NYAP1: variants seen among roughly 807,000 people sequenced by gnomAD.
NYAP1 encodes the protein neuronal tyrosine-phosphorylated phosphoinositide-3-kinase adapter 1.
In NYAP1, 20 loss-of-function variants were observed where a neutral mutation model predicts 58.6. The ratio of observed to expected loss-of-function variants is 0.34; its 90% CI spans 0.24 to 0.50. The LOEUF is 0.50. Among genes scored for constraint, NYAP1 ranks in the 20% least tolerant of loss-of-function variants. NYAP1 has a pLI of 0.98. For synonymous variants in NYAP1, 572 were observed against 523.1 expected, an observed-to-expected ratio of 1.09 and a Z score of -1.27; for missense variants, 1,150 against 1,194.5, an observed-to-expected ratio of 0.96 and a Z score of 0.55.
In NYAP1 at chr7:100,486,108, G is replaced by T. The variant is rs1046762114; in HGVS notation, c.69-713G>T. On this transcript the variant is annotated intron_variant, in intron 2 of 6. Transcript: ENST00000300179. The surrounding 1 kb of genome is among the most constrained non-coding windows in gnomAD (Gnocchi z 6.2). ...GATTAATCAGAGTGATCGCTGCAGC[G>T]ATCTCTCCCTAATGAAGGGCTAGTA... Among the ~76,000 whole-genome samples the T allele has an allele frequency of 7.2e-5, 11 of 152,046 alleles. No homozygotes were observed. The highest frequency in any genetic ancestry group is 2.7e-4 in the African/African-American group (11 of 41,396).
Position 100,486,970 on chromosome 7 carries a change from C to A in NYAP1, c.218C>A (p.Pro73His). Reference sequence around the variant, plus strand: ...GCCTCCCAGGAGCACACCCCGCACCCCTGCCGCAGCGCCATGGCCCCACGC... The same window carrying A: ...GCCTCCCAGGAGCACACCCCGCACCACTGCCGCAGCGCCATGGCCCCACGC... ...MPASQEHTPH[P>H]CRSAMAPRSL... The change falls in exon 3 of 7, where the codon CCC (proline) becomes CAC (histidine). Residue 73 changes from proline to histidine, a missense_variant. Physicochemically the swap from Pro to His is moderately conservative, Grantham distance 77 (BLOSUM62 -2). Coordinates refer to ENST00000300179, the MANE Select transcript of NYAP1 (RefSeq NM_173564.4). The surrounding 1 kb of genome is among the most constrained non-coding windows in gnomAD (Gnocchi z 6.2). The A allele has an allele frequency of 6.2e-7, 1 of 1,607,120 alleles. No individual in the cohort carries two copies. Among genetic ancestry groups the A allele is most frequent in the Non-Finnish European group, 8.5e-7 (1 of 1,177,514 alleles).
In NYAP1 at chr7:100,486,904, C is replaced by T. The variant is rs767507827; in HGVS notation, c.152C>T (p.Ser51Leu). The T allele has an allele frequency of 3.4e-5, 54 of 1,584,140 alleles. No individual in the cohort carries two copies. Among genetic ancestry groups the T allele is most frequent in the Non-Finnish European group, 4.5e-5 (52 of 1,167,696 alleles). The change falls in exon 3 of 7, where the codon TCG (serine) becomes TTG (leucine). Residue 51 changes from serine to leucine, a missense_variant. By Grantham distance (145) the Ser-to-Leu change is moderately radical (BLOSUM62 -2). Coordinates refer to ENST00000300179, the MANE Select transcript of NYAP1 (RefSeq NM_173564.4). The surrounding 1 kb of genome is among the most constrained non-coding windows in gnomAD (Gnocchi z 6.2). ...GGGGTCCGCGTGCGGGACATCGCCT[C>T]GCTGCGGCGCTCCCTCAGGATGGGT... is the stretch of plus-strand genomic sequence containing the variant. ...GPGVRVRDIA[S>L]LRRSLRMGFM...
chr7:100,490,667 G>C lies in NYAP1; in HGVS notation c.2096G>C (p.Gly699Ala). The C allele has an allele frequency of 6.4e-7, 1 of 1,563,016 alleles. No individual in the cohort carries two copies. The highest frequency in any genetic ancestry group is 8.7e-7 in the Non-Finnish European group (1 of 1,154,104). The part of the protein sequence containing the change: ...LLARIHHGDR[G>A]GSRTALPIPC... ...GCCAGGATCCACCATGGAGACCGAGGAGGGAGCCGCACCGCGCTGCCCATT... is the reference window on the plus strand; with the variant it reads ...GCCAGGATCCACCATGGAGACCGAGCAGGGAGCCGCACCGCGCTGCCCATT... The change falls in exon 5 of 7, where the codon GGA becomes GCA. Residue 699 changes from glycine (G) to alanine (A), a missense_variant. Transcript: ENST00000300179. This position sits in a 1 kb window ranked among gnomAD's most constrained non-coding sequence, Gnocchi z 4.6.
rs1484988373 is a variant in NYAP1, at chr7:100,490,539, C to T, written c.1968C>T (p.Ala656=). The part of the protein sequence containing the change: ...ELDKVEDGAR[A]WNGSAEGPGK... Reference sequence around the variant, plus strand: ...CAGAGGTCGAGGACGGTGCCCGGGCCTGGAATGGCAGTGCCGAGGGTCCAG... The same window carrying T: ...CAGAGGTCGAGGACGGTGCCCGGGCTTGGAATGGCAGTGCCGAGGGTCCAG... Residue 656 remains alanine (A), a synonymous_variant, in exon 5 of 7, where the codon GCC becomes GCT. Transcript: ENST00000300179. This position sits in a 1 kb window ranked among gnomAD's most constrained non-coding sequence, Gnocchi z 4.6. 1.1e-5 allele frequency: 18 copies of T among 1,587,838 alleles called. No individual in the cohort carries two copies. The highest frequency in any genetic ancestry group is 1.5e-5 in the Non-Finnish European group (18 of 1,167,460).
In NYAP1 at chr7:100,490,682, C is replaced by G; in HGVS notation, c.2111C>G (p.Ala704Gly). 1.9e-6 allele frequency: 3 copies of G among 1,548,108 alleles called. No homozygotes were observed. The South Asian group carries it at 3.6e-5, about 19-fold the overall frequency. Residue 704 changes from alanine (A) to glycine (G), a missense_variant, in exon 5 of 7, where the codon GCG becomes GGG. Transcript: ENST00000300179. The surrounding 1 kb of genome is among the most constrained non-coding windows in gnomAD (Gnocchi z 4.6). ...HHGDRGGSRT[A>G]LPIPCQTFPA... ...GGAGACCGAGGAGGGAGCCGCACCG[C>G]GCTGCCCATTCCCTGCCAGACCTTC...
Position 100,486,192 on chromosome 7 carries a change from C to G in NYAP1, c.69-629C>G, listed in dbSNP as rs766234055. ...CTCTCCTCTCTTCCCTGCCAGCCGCCCCCCCAACCCTCTGCCACCCTCCAC... is the reference window on the plus strand; with the variant it reads ...CTCTCCTCTCTTCCCTGCCAGCCGCGCCCCCAACCCTCTGCCACCCTCCAC... On this transcript the variant is annotated intron_variant, in intron 2 of 6. Coordinates refer to ENST00000300179, the MANE Select transcript of NYAP1 (RefSeq NM_173564.4). This position sits in a 1 kb window ranked among gnomAD's most constrained non-coding sequence, Gnocchi z 6.2. 3.3e-5 allele frequency among the ~76,000 whole-genome samples: 5 copies of G among 152,112 alleles called. No homozygotes were observed. The highest frequency in any genetic ancestry group is 7.4e-5 in the Non-Finnish European group (5 of 68,018).
chr7:100,489,043 C>T lies in NYAP1; in HGVS notation c.1322C>T (p.Ala441Val). Reference sequence around the variant, plus strand: ...CCTAAGGCGGCGGGGGCGCCGGCAGCCCCCCCTGCCCCGGCCGCCTTGCTC... The same window carrying T: ...CCTAAGGCGGCGGGGGCGCCGGCAGTCCCCCCTGCCCCGGCCGCCTTGCTC... The part of the protein sequence containing the change: ...ICPKAAGAPA[A>V]PPAPAALLPG... Residue 441 changes from alanine (A) to valine (V), a missense_variant, in exon 4 of 7, where the codon GCC becomes GTC. Ala to Val is a moderately conservative substitution (Grantham distance 64). Transcript: ENST00000300179. 2.0e-6 allele frequency: 3 copies of T among 1,534,336 alleles called. No homozygotes were observed. Among genetic ancestry groups the T allele is most frequent in the Admixed American group, 4.1e-5 (2 of 49,186 alleles).
chr7:100,489,815 G>A (rs1799769591), intron 4 of NYAP1, 149 bp downstream of exon 4: 4 of 703,710 alleles, frequency 5.7e-6, no homozygotes, highest in Non-Finnish European at 9.1e-6. Context: ...AGAGGTGGGG[G>A]TGGGCGATAG....
In NYAP1 at chr7:100,485,209, C is replaced by T. The variant is rs1368397223; in HGVS notation, c.-84-19C>T. On this transcript the variant is annotated intron_variant, in intron 1 of 6. Coordinates refer to ENST00000300179, the MANE Select transcript of NYAP1 (RefSeq NM_173564.4). This position sits in a 1 kb window ranked among gnomAD's most constrained non-coding sequence, Gnocchi z 5.7. ...CCCACCTTTCTTTTTTTTCCGTTCTCACCCACCCCGCCCGCCAGTGGATCC... is the reference window on the plus strand; with the variant it reads ...CCCACCTTTCTTTTTTTTCCGTTCTTACCCACCCCGCCCGCCAGTGGATCC... 6.3e-6 allele frequency: 4 copies of T among 630,522 alleles called. No individual in the cohort carries two copies. The highest frequency in any genetic ancestry group is 5.7e-5 in the Admixed American group (2 of 35,360). 39.1% of individuals were successfully genotyped at this position (630,522 alleles called of 1,614,324 possible). A position where few individuals can be genotyped will look rare whatever the true frequency, so the allele number is the denominator to read the frequency against.
chr7:100,487,668 A>AT lies in NYAP1; in HGVS notation c.431-478dup, dbSNP rs1799726310. Among the ~76,000 whole-genome samples, 1 of 152,114 alleles carries AT rather than the reference A, an allele frequency of 6.6e-6. No homozygotes were observed. Among genetic ancestry groups the AT allele is most frequent in the African/African-American group, 2.4e-5 (1 of 41,426 alleles). The stretch of plus-strand genomic sequence containing the variant: ...AGGCGTCCGTCACCACGCCCGGCTA[A>AT]TTTTTTGTATTTTTAGTAGAGACAG... On this transcript the variant is annotated intron_variant, in intron 3 of 6. Coordinates refer to ENST00000300179, the MANE Select transcript of NYAP1 (RefSeq NM_173564.4). The surrounding 1 kb of genome is among the most constrained non-coding windows in gnomAD (Gnocchi z 4.1).
In NYAP1 at chr7:100,487,216, C is replaced by T. The variant is rs780646515; in HGVS notation, c.430+34C>T. The T allele has an allele frequency of 6.8e-6, 10 of 1,468,098 alleles. No individual in the cohort carries two copies. The East Asian group carries it at 7.7e-5, about 11-fold the overall frequency. The allele number at this position is 1,468,098 out of a possible 1,614,324, so 90.9% of individuals were successfully genotyped here. The stretch of plus-strand genomic sequence containing the variant: ...CCCCCTATCTCTCCCTGGGGTGGAG[C>T]TGGGAGCTGGGAGGATCTATTCCAC... On this transcript the variant is annotated intron_variant, in intron 3 of 6. Transcript: ENST00000300179. This position sits in a 1 kb window ranked among gnomAD's most constrained non-coding sequence, Gnocchi z 4.1.
rs1799736678 is a variant in NYAP1 at position 100,488,451 on chromosome 7, C to G, written c.730C>G (p.Pro244Ala). The G allele has an allele frequency of 6.8e-6, 11 of 1,608,774 alleles. No homozygotes were observed. The highest frequency in any genetic ancestry group is 9.3e-6 in the Non-Finnish European group (11 of 1,177,994). ...TGGGCCCCCTCTTGGGGGTGGGGGC[C>G]CGACCCCTCCAGCGGGCGCCGACTC... ...LAGPPLGGGG[P>A]TPPAGADSDS... Residue 244 changes from proline (P) to alanine (A), a missense_variant, in exon 4 of 7, where the codon CCG becomes GCG. Physicochemically the swap from Pro to Ala is conservative, Grantham distance 27. Coordinates refer to ENST00000300179, the MANE Select transcript of NYAP1 (RefSeq NM_173564.4). The surrounding 1 kb of genome is among the most constrained non-coding windows in gnomAD (Gnocchi z 5.9).
chr7:100,485,110 T>G lies in NYAP1; in HGVS notation c.-84-118T>G. 1 of 585,022 alleles carries G rather than the reference T, an allele frequency of 1.7e-6. No homozygotes were observed. The highest frequency in any genetic ancestry group is 3.1e-6 in the Non-Finnish European group (1 of 326,536). The allele number at this position is 585,022 out of a possible 1,614,324, so 36.2% of individuals were successfully genotyped here. ...AGCTGTGTTGGGTTTTCTGTCTGTG[T>G]TTTCCTCTCTGAGGACCCGAGTCAT... On this transcript the variant is annotated intron_variant, in intron 1 of 6. Transcript: ENST00000300179. This position sits in a 1 kb window ranked among gnomAD's most constrained non-coding sequence, Gnocchi z 5.7.
chr7:100,488,545 G>T lies in NYAP1; in HGVS notation c.824G>T (p.Gly275Val), dbSNP rs781437614. 15 of 1,611,858 alleles carry T rather than the reference G, an allele frequency of 9.3e-6. No homozygotes were observed. The African/African-American group carries it at 1.3e-4, about 14-fold the overall frequency. ...KYPLPEEAGE[G>V]RANGPPPLTA... The stretch of plus-strand genomic sequence containing the variant: ...CCGCTGCCGGAAGAGGCTGGGGAAG[G>T]CCGGGCCAATGGCCCTCCACCATTG... The change falls in exon 4 of 7, where the codon GGC becomes GTC. Residue 275 changes from glycine (G) to valine (V), a missense_variant. Physicochemically the swap from Gly to Val is moderately radical, Grantham distance 109. Coordinates refer to ENST00000300179, the MANE Select transcript of NYAP1 (RefSeq NM_173564.4). The surrounding 1 kb of genome is among the most constrained non-coding windows in gnomAD (Gnocchi z 5.9).
Position 100,494,012 on chromosome 7 carries a change from C to T in NYAP1, c.*109C>T. On this transcript the variant is annotated 3_prime_UTR_variant, in exon 7 of 7. Coordinates refer to ENST00000300179, the MANE Select transcript of NYAP1 (RefSeq NM_173564.4). The stretch of plus-strand genomic sequence containing the variant: ...ATTGAAAGACTACGTGGGAGAGTGC[C>T]AGGGAGAACCCCTGCCCTCCAACCT... 9.9e-7 allele frequency: 1 copy of T among 1,006,870 alleles called. No individual in the cohort carries two copies. The highest frequency in any genetic ancestry group is 1.9e-5 in the South Asian group (1 of 53,064). 62.4% of individuals were successfully genotyped at this position (1,006,870 alleles called of 1,614,324 possible).
Position 100,488,736 on chromosome 7 carries a change from G to A in NYAP1, c.1015G>A (p.Ala339Thr). ...CCTTCAGCACCGGCCTCCACTCCTGGCCTTCCCCCAAGCCAAGTCTGCTTC... is the reference window on the plus strand; with the variant it reads ...CCTTCAGCACCGGCCTCCACTCCTGACCTTCCCCCAAGCCAAGTCTGCTTC... Reference protein sequence around the residue: ...NLLQHRPPLLAFPQAKSASRT... With the variant: ...NLLQHRPPLLTFPQAKSASRT... Residue 339 changes from alanine to threonine, a missense_variant, in exon 4 of 7, where the codon GCC becomes ACC. Transcript: ENST00000300179. This position sits in a 1 kb window ranked among gnomAD's most constrained non-coding sequence, Gnocchi z 5.9. The A allele has an allele frequency of 6.2e-7, 1 of 1,607,882 alleles. No individual in the cohort carries two copies. The highest frequency in any genetic ancestry group is 8.5e-7 in the Non-Finnish European group (1 of 1,177,438).
At position 100,491,063 on chromosome 7, in the gene NYAP1, C is replaced by T. The variant is rs1371451867; in HGVS notation, c.2236C>T (p.Pro746Ser). The T allele has an allele frequency of 6.4e-7, 1 of 1,559,134 alleles. No homozygotes were observed. Among genetic ancestry groups the T allele is most frequent in the African/African-American group, 1.4e-5 (1 of 73,414 alleles). ...GCAGGTCGTGCTCCACACACCCCGG[C>T]CCTGCAGCCAGCCCAGGGATGCCCT... ...VRQVVLHTPRPCSQPRDALSQ... is the reference protein window; with the variant it reads ...VRQVVLHTPRSCSQPRDALSQ... The change falls in exon 6 of 7, where the codon CCC becomes TCC. Residue 746 changes from proline to serine, a missense_variant. Physicochemically the swap from Pro to Ser is moderately conservative, Grantham distance 74. Transcript: ENST00000300179.
chr7:100,490,793 T>C lies in NYAP1; in HGVS notation c.2158+64T>C, dbSNP rs2131069284. On this transcript the variant is annotated intron_variant, in intron 5 of 6. Coordinates refer to ENST00000300179, the MANE Select transcript of NYAP1 (RefSeq NM_173564.4). The surrounding 1 kb of genome is among the most constrained non-coding windows in gnomAD (Gnocchi z 4.6). ...GCTGGGGGATCTCCCGGGGTCTAGC[T>C]GCACCTGTCCTGACTTCCTCTCACC... 1 of 1,398,804 alleles carries C rather than the reference T, an allele frequency of 7.1e-7. No homozygotes were observed. Among genetic ancestry groups the C allele is most frequent in the Non-Finnish European group, 9.6e-7 (1 of 1,045,734 alleles). The allele number at this position is 1,398,804 out of a possible 1,614,324, so 86.6% of individuals were successfully genotyped here. A position where few individuals can be genotyped will look rare whatever the true frequency, so the allele number is the denominator to read the frequency against.
Position 100,489,159 on chromosome 7 carries a change from C to T in NYAP1, c.1438C>T (p.Pro480Ser), listed in dbSNP as rs749316345. 1.2e-6 allele frequency: 2 copies of T among 1,610,146 alleles called. No homozygotes were observed. Among genetic ancestry groups the T allele is most frequent in the East Asian group, 4.5e-5 (2 of 44,812 alleles). Residue 480 changes from proline (P) to serine (S), a missense_variant, in exon 4 of 7, where the codon CCC (proline) becomes TCC (serine). Pro to Ser is a moderately conservative substitution (Grantham distance 74, BLOSUM62 -1). Transcript: ENST00000300179. ...GCACTCTGTCCTGCCAGCTGGTCCACCCCTGGGTGCTGGGGAGCCAAAGAC... is the reference window on the plus strand; with the variant it reads ...GCACTCTGTCCTGCCAGCTGGTCCATCCCTGGGTGCTGGGGAGCCAAAGAC... Reference protein sequence around the residue: ...TTHSVLPAGPPLGAGEPKTEK... With the variant: ...TTHSVLPAGPSLGAGEPKTEK...
Sources: gnomAD v4.1 joint callset for allele counts (sites outside exome capture counted in the v4.1 genomes callset) on GRCh38, gnomAD v4.1.1 for gene constraint, Gnocchi (gnomAD v3.1) non-coding constraint, MANE v1.5 for transcripts, NCBI Gene and HGNC (gene_info 2026-07-23, HGNC 2026-07-21) for gene names.